GABRB3: variants seen among roughly 807,000 people sequenced by gnomAD.
The protein encoded by GABRB3 is gamma-aminobutyric acid type A receptor subunit beta3.
A neutral mutation model predicts 52.1 loss-of-function variants in GABRB3; 14 were observed. That is an observed-to-expected ratio of 0.27 (90% CI 0.18 to 0.42). The LOEUF is 0.42. Among genes scored for constraint, GABRB3 ranks in the 10% least tolerant of loss-of-function variants. The probability of loss-of-function intolerance (pLI) is 1.00; values close to 1 mark genes in which losing one functional copy is unlikely to be tolerated. For synonymous variants in GABRB3, 260 were observed against 232.3 expected (o/e 1.12, Z -1.08); for missense variants, 307 against 609.1 (o/e 0.50, Z 5.22).
intron 3 of GABRB3, among the ~76,000 whole-genome samples, chr15:26,676,110 C>T (rs1888060683): frequency 6.6e-6 from 1 of 152,050 alleles, no homozygotes; most frequent in Non-Finnish European, 1.5e-5. Flanking sequence ...ACCACTAGAC[C>T]CTCTATCTTT....
At position 26,734,619 on chromosome 15, in the gene GABRB3, T is replaced by A. The variant is rs1185906990; in HGVS notation, c.240+37783A>T. ...ATGGTCACACCACTGCACTCCAGCC[T>A]GGGCAACAGGGTGAGTCTCAAAAAA... On this transcript the variant is annotated intron_variant, in intron 3 of 8. Transcript: ENST00000311550. Among the ~76,000 whole-genome samples the A allele has an allele frequency of 3.0e-5, 4 of 131,668 alleles. No individual in the cohort carries two copies. The East Asian group carries it at 8.9e-4, about 29-fold the overall frequency. 86.4% of individuals were successfully genotyped at this position (131,668 alleles called of 152,430 possible). A position where few individuals can be genotyped will look rare whatever the true frequency, so the allele number is the denominator to read the frequency against.
chr15:26,629,157 T>A, intron 3 of GABRB3: 2 of 1,503,040 alleles, frequency 1.3e-6, no homozygotes, highest in Admixed American at 2.0e-5. Flanking sequence ...AGGGGCGGAG[T>A]GTGGGGAGAA....
At chr15:26,742,351 GTTC>G (rs973921078) in intron 3 of GABRB3, among the ~76,000 whole-genome samples, 9 of 145,582 alleles carry the variant, frequency 6.2e-5, no homozygotes, top group South Asian at 2.3e-4. Flanking sequence ...TTTAAACTCT[GTTC>G]TTCTTTAGTT....
intron 3 of GABRB3, among the ~76,000 whole-genome samples, chr15:26,764,165 AAAAAAAAAAAAAAAAT>A (rs1890907527): frequency 2.5e-5 from 1 of 39,954 alleles, no homozygotes; most frequent in African/African-American, 1.1e-4. Context: ...AAAAAAAAAA[AAAAAAAAAAAAAAAAT>A]ATATATATAT....
At chr15:26,665,572 T>C (rs888935895) in intron 3 of GABRB3, among the ~76,000 whole-genome samples, 3 of 152,124 alleles carry the variant, frequency 2.0e-5, no homozygotes, top group African/African-American at 7.2e-5. Flanking sequence ...TTCCCATGCA[T>C]GACAAGAGGA....
intron 4 of GABRB3, among the ~76,000 whole-genome samples, chr15:26,606,014 C>T (rs1891777061): frequency 6.6e-6 from 1 of 151,920 alleles, no homozygotes. Flanking sequence ...TGGGAAGGTC[C>T]CACACACTTT....
At chr15:26,617,508 C>T (rs976171864) in intron 4 of GABRB3, among the ~76,000 whole-genome samples, 4 of 152,082 alleles carry the variant, frequency 2.6e-5, no homozygotes, top group African/African-American at 4.8e-5. Flanking sequence ...ATTGATGGGA[C>T]GTATCTCAAA....
chr15:26,705,797 T>C (rs1037597901), intron 3 of GABRB3, among the ~76,000 whole-genome samples: 1 of 152,196 alleles, frequency 6.6e-6, no homozygotes, highest in Non-Finnish European at 1.5e-5. Flanking sequence ...ATGATGGTGA[T>C]GGTTTCCTGG....
chr15:26,653,380 C>A (rs1314627399), intron 3 of GABRB3, among the ~76,000 whole-genome samples: 1 of 152,192 alleles, frequency 6.6e-6, no homozygotes, highest in Non-Finnish European at 1.5e-5. Context: ...GTGGCACCAT[C>A]CATACCAGTA....
At chr15:26,638,365 T>C (rs1005473092) in intron 3 of GABRB3, among the ~76,000 whole-genome samples, 3 of 152,198 alleles carry the variant, frequency 2.0e-5, no homozygotes, top group Admixed American at 6.5e-5. Flanking sequence ...GCTGCTCTGC[T>C]CAGGGCTCCC....
intron 3 of GABRB3, among the ~76,000 whole-genome samples, chr15:26,650,381 T>C (rs1011502297): frequency 6.6e-6 from 1 of 152,060 alleles, no homozygotes; most frequent in African/African-American, 2.4e-5. Flanking sequence ...GAGTGGGTGA[T>C]GCTGAGAGAG....
chr15:26,715,119 T>A (rs1214391597), intron 3 of GABRB3, among the ~76,000 whole-genome samples: 1 of 150,670 alleles, frequency 6.6e-6, no homozygotes, highest in African/African-American at 2.4e-5. Context: ...CCTGGGGGGG[T>A]CTGAGCTTGA....
rs554524952 is a variant in GABRB3, at chr15:26,679,397, G to T, written c.241-57863C>A. On this transcript the variant is annotated intron_variant, in intron 3 of 8. Transcript: ENST00000311550. The stretch of plus-strand genomic sequence containing the variant: ...GAGAATCGCACTCACCTGCTCTTGA[G>T]AAGTCGCACATACGTACTAGCATTT... Among the ~76,000 whole-genome samples, 19 of 152,168 alleles carry T rather than the reference G, an allele frequency of 1.2e-4. No individual in the cohort carries two copies. In the South Asian group the frequency reaches 3.9e-3, roughly 32 times the overall value.
At chr15:26,643,140 C>T (rs1438072126) in intron 3 of GABRB3, among the ~76,000 whole-genome samples, 1 of 152,194 alleles carries the variant, frequency 6.6e-6, no homozygotes, top group Non-Finnish European at 1.5e-5. Flanking sequence ...TAATGGCCAG[C>T]AAGATCCTGT....
At chr15:26,660,357 T>C (rs1039925609) in intron 3 of GABRB3, among the ~76,000 whole-genome samples, 4 of 152,228 alleles carry the variant, frequency 2.6e-5, no homozygotes, top group Non-Finnish European at 5.9e-5. Flanking sequence ...TAAACAGTTT[T>C]GTTACATTGT....
intron 3 of GABRB3, among the ~76,000 whole-genome samples, chr15:26,653,286 T>C (rs1275432205): frequency 2.0e-5 from 3 of 152,146 alleles, no homozygotes; most frequent in African/African-American, 7.2e-5. Context: ...ACCTCCCCAA[T>C]TGCTCTTATG....
At chr15:26,657,545 G>A (rs1009023075) in intron 3 of GABRB3, among the ~76,000 whole-genome samples, 4 of 152,194 alleles carry the variant, frequency 2.6e-5, no homozygotes, top group African/African-American at 7.2e-5. Flanking sequence ...ACAGTGAGCT[G>A]AAGACCAGAA....
At chr15:26,644,266 T>A (rs924724174) in intron 3 of GABRB3, among the ~76,000 whole-genome samples, 2 of 152,226 alleles carry the variant, frequency 1.3e-5, no homozygotes, top group African/African-American at 4.8e-5. Flanking sequence ...TACAAATTCA[T>A]ATGTTGGGGT....
intron 3 of GABRB3, among the ~76,000 whole-genome samples, chr15:26,715,284 C>A (rs1889433091): frequency 6.6e-6 from 1 of 152,044 alleles, no homozygotes; most frequent in South Asian, 2.1e-4. Flanking sequence ...AGCAGAAAAA[C>A]CAATTATTCA....
Sources: gnomAD v4.1 joint callset for allele counts (sites outside exome capture counted in the v4.1 genomes callset) on GRCh38, gnomAD v4.1.1 for gene constraint, MANE v1.5 for transcripts, NCBI Gene and HGNC (gene_info 2026-07-23, HGNC 2026-07-21) for gene names.